DOCK2: variants seen among roughly 807,000 people sequenced by gnomAD.
The protein encoded by DOCK2 is dedicator of cytokinesis protein 2.
A neutral mutation model predicts 248.9 loss-of-function variants in DOCK2; 87 were observed. The observed-to-expected ratio is 0.35, with a 90% CI of 0.29 to 0.42. The LOEUF is 0.42. Among genes scored for constraint, DOCK2 ranks in the 10% least tolerant of loss-of-function variants. The pLI, the probability that DOCK2 is intolerant of heterozygous loss-of-function variation, is 1.00. For missense variants in DOCK2, 1,747 were observed against 2,300.2 expected (o/e 0.76, Z 4.92); for synonymous variants, 805 against 821.6 (o/e 0.98, Z 0.35).
chr5:170,059,786 G>A (rs188934291), intron 44 of DOCK2, among the ~76,000 whole-genome samples: 101 of 152,206 alleles, frequency 6.6e-4, no homozygotes, highest in African/African-American at 2.1e-3. Context: ...TGTCTAAACC[G>A]GTTACCTTAT....
intron 23 of DOCK2, among the ~76,000 whole-genome samples, chr5:169,754,875 A>C (rs1357188501): frequency 6.6e-6 from 1 of 151,928 alleles, no homozygotes; most frequent in Non-Finnish European, 1.5e-5. Context: ...ATGCATGTAA[A>C]GTATTTGGCA....
At chr5:170,079,948 C>A in intron 49 of DOCK2, 1 of 614,748 alleles carries the variant, frequency 1.6e-6, no homozygotes, top group East Asian at 2.9e-5. Flanking sequence ...AAATGAATGT[C>A]CGCCACCCCC....
intron 27 of DOCK2, among the ~76,000 whole-genome samples, chr5:169,951,287 T>G (rs993327751): frequency 6.6e-5 from 10 of 152,240 alleles, no homozygotes; most frequent in African/African-American, 2.4e-4. Flanking sequence ...TTATCTTCTT[T>G]GGTCCTCTTG....
chr5:169,886,412 C>G (rs1213840808), intron 27 of DOCK2, among the ~76,000 whole-genome samples: 2 of 152,192 alleles, frequency 1.3e-5, no homozygotes, highest in Non-Finnish European at 2.9e-5. Flanking sequence ...ACTTTTAGGT[C>G]TGGGAGAATC....
At position 169,871,298 on chromosome 5, in the gene DOCK2, A is replaced by G. The variant is rs926005817; in HGVS notation, c.2799+30446A>G. Reference sequence around the variant, plus strand: ...TTTAGCCATGGACCTAACTCTTTCCAGCATTTTATTCTAAGGAGAAGAAAC... The same window carrying G: ...TTTAGCCATGGACCTAACTCTTTCCGGCATTTTATTCTAAGGAGAAGAAAC... On this transcript the variant is annotated intron_variant, in intron 27 of 51. Coordinates refer to ENST00000520908, the MANE Select transcript of DOCK2 (RefSeq NM_004946.3). Among the ~76,000 whole-genome samples the G allele has an allele frequency of 5.9e-5, 9 of 152,356 alleles. No individual in the cohort carries two copies. The South Asian group carries it at 1.4e-3, about 25-fold the overall frequency.
intron 32 of DOCK2, 149 bp from the exon 33 acceptor site, chr5:170,018,810 CG>C (rs1755622669): frequency 3.0e-6 from 3 of 1,000,614 alleles, no homozygotes. Context: ...GTGTTCAAAA[CG>C]GTGCCTGGCT....
At chr5:169,677,612 T>C (rs924502529) in intron 6 of DOCK2, among the ~76,000 whole-genome samples, 1 of 152,212 alleles carries the variant, frequency 6.6e-6, no homozygotes, top group African/African-American at 2.4e-5. Flanking sequence ...AAACCCAACA[T>C]GTCCTTTCCG....
intron 15 of DOCK2, among the ~76,000 whole-genome samples, chr5:169,711,523 C>T (rs1360055900): frequency 6.6e-6 from 1 of 152,170 alleles, no homozygotes; most frequent in Non-Finnish European, 1.5e-5. Flanking sequence ...TCAAGCAAAC[C>T]CCCTAACAAC....
intron 7 of DOCK2, among the ~76,000 whole-genome samples, chr5:169,683,231 T>A (rs894637093): frequency 6.6e-6 from 1 of 152,092 alleles, no homozygotes; most frequent in Non-Finnish European, 1.5e-5. Context: ...GCTGTACAAT[T>A]TTTTTTGTTT....
intron 27 of DOCK2, among the ~76,000 whole-genome samples, chr5:169,982,094 A>G (rs1346967182): frequency 1.3e-5 from 2 of 150,660 alleles, no homozygotes; most frequent in Admixed American, 6.6e-5. Flanking sequence ...TGGTTCAAAC[A>G]TAATACTTCC....
intron 23 of DOCK2, among the ~76,000 whole-genome samples, chr5:169,753,675 A>G (rs1003247607): frequency 6.6e-6 from 1 of 152,200 alleles, no homozygotes; most frequent in Non-Finnish European, 1.5e-5. Flanking sequence ...CCCCAGGTGG[A>G]TAAGACTCAG....
chr5:169,777,520 A>G (rs537396135), intron 25 of DOCK2, among the ~76,000 whole-genome samples: 1 of 152,218 alleles, frequency 6.6e-6, no homozygotes, highest in Non-Finnish European at 1.5e-5. Flanking sequence ...GACTCTAATT[A>G]CAGCTTTAGC....
chr5:170,082,932 A>G lies in DOCK2; in HGVS notation c.*74A>G. ...GGAAGAGGAAAGCCATGCGTGGAAC[A>G]TCGAAGCCTCAGAGAGTGGGAGACT... On this transcript the variant is annotated 3_prime_UTR_variant, in exon 52 of 52. Transcript: ENST00000520908. 1.9e-6 allele frequency: 3 copies of G among 1,593,266 alleles called. No homozygotes were observed. The highest frequency in any genetic ancestry group is 2.6e-6 in the Non-Finnish European group (3 of 1,162,944).
At chr5:169,997,802 G>A (rs1424363753) in intron 30 of DOCK2, among the ~76,000 whole-genome samples, 1 of 152,144 alleles carries the variant, frequency 6.6e-6, no homozygotes, top group African/African-American at 2.4e-5. Flanking sequence ...CACAGACACA[G>A]TAACAATCTG....
intron 29 of DOCK2, among the ~76,000 whole-genome samples, chr5:169,995,035 T>A (rs200823484): frequency 0.065 from 9,155 of 140,410 alleles, 880 homozygotes; most frequent in African/African-American, 0.2. Context: ...TTTTATTTTT[T>A]TTTTTTTTTT....
intron 22 of DOCK2, among the ~76,000 whole-genome samples, chr5:169,734,394 G>T (rs908174870): frequency 4.0e-5 from 6 of 151,836 alleles, no homozygotes; most frequent in African/African-American, 1.2e-4. Flanking sequence ...TCTCTGTTTT[G>T]GGTGACCCTG....
intron 45 of DOCK2, among the ~76,000 whole-genome samples, chr5:170,068,596 G>A (rs1017030406): frequency 6.6e-6 from 1 of 152,174 alleles, no homozygotes; most frequent in Non-Finnish European, 1.5e-5. Flanking sequence ...GATGGGATAT[G>A]TCTGTTTATA....
intron 27 of DOCK2, among the ~76,000 whole-genome samples, chr5:169,945,038 T>C (rs928956941): frequency 1.3e-5 from 2 of 152,340 alleles, no homozygotes; most frequent in East Asian, 3.9e-4. Flanking sequence ...CAGAGGTGTC[T>C]TCTTAGCATG....
chr5:169,720,428 A>G (rs1189858086), intron 22 of DOCK2, among the ~76,000 whole-genome samples: 5 of 151,612 alleles, frequency 3.3e-5, no homozygotes. Flanking sequence ...CCTCTCTCCT[A>G]TATTTCTTTC....
Sources: allele counts gnomAD v4.1 joint callset (sites outside exome capture counted in the v4.1 genomes callset), GRCh38; gene constraint gnomAD v4.1.1; transcripts MANE v1.5; gene names NCBI Gene and HGNC (gene_info 2026-07-23, HGNC 2026-07-21).